The following NAALADL2 variants were observed in gnomAD, a reference collection of about 807,000 sequenced individuals.
The protein encoded by NAALADL2 is inactive N-acetylated-alpha-linked acidic dipeptidase-like protein 2.
Under a neutral mutation model 87.2 loss-of-function variants are expected in NAALADL2, and 76 were observed. That is an observed-to-expected ratio of 0.87 (90% confidence interval 0.72 to 1.05). The LOEUF is 1.05. Among genes scored for constraint, NAALADL2 ranks in the 50% least tolerant of loss-of-function variants. NAALADL2 has a pLI of 0.00. For missense variants in NAALADL2, 1,089 were observed against 945.8 expected, an observed-to-expected ratio of 1.15 and a Z score of -1.99; for synonymous variants, 354 against 331.0, an observed-to-expected ratio of 1.07 and a Z score of -0.75.
intron 3 of NAALADL2, among the ~76,000 whole-genome samples, chr3:174,789,671 A>G (rs1054759946): frequency 6.6e-6 from 1 of 152,196 alleles, no homozygotes; most frequent in Non-Finnish European, 1.5e-5. Context: ...TGCAAATGGT[A>G]AATAAGAGGA....
In NAALADL2 at chr3:175,627,259, G is replaced by C. The variant is rs1320901763; in HGVS notation, c.1801-32G>C. ...ACTTGAAAAACAAAATCGATAAAGA[G>C]TTTTAAATGTTTCTTTTTTGATTTG... is the stretch of plus-strand genomic sequence containing the variant. On this transcript the variant is annotated intron_variant, in intron 10 of 13. Transcript: ENST00000454872. The C allele has an allele frequency of 3.4e-6, 5 of 1,486,172 alleles. No individual in the cohort carries two copies. In the Admixed American group the frequency reaches 8.2e-5, roughly 25 times the overall value. 92.1% of individuals were successfully genotyped at this position (1,486,172 alleles called of 1,614,324 possible). A position where few individuals can be genotyped will look rare whatever the true frequency, so the allele number is the denominator to read the frequency against.
intron 2 of NAALADL2, among the ~76,000 whole-genome samples, chr3:175,206,351 G>A (rs1237226873): frequency 7.1e-6 from 1 of 141,494 alleles, no homozygotes; most frequent in Non-Finnish European, 1.5e-5. Context: ...TAATGTATAT[G>A]TTATATATAC....
chr3:175,278,927 C>A (rs1753929120), intron 4 of NAALADL2, among the ~76,000 whole-genome samples: 1 of 152,270 alleles, frequency 6.6e-6, no homozygotes, highest in African/African-American at 2.4e-5. Context: ...TCTTACAATG[C>A]AACTTCCCTA....
chr3:175,427,368 T>A (rs529525518), intron 5 of NAALADL2, among the ~76,000 whole-genome samples: 1 of 152,176 alleles, frequency 6.6e-6, no homozygotes, highest in Non-Finnish European at 1.5e-5. Flanking sequence ...CTTATGGAAA[T>A]AGAACATGAA....
chr3:175,625,967 A>G (rs768239957), intron 10 of NAALADL2, among the ~76,000 whole-genome samples: 3 of 152,012 alleles, frequency 2.0e-5, no homozygotes, highest in Non-Finnish European at 4.4e-5. Context: ...AATTGCTACT[A>G]ACCCTATGTG....
At chr3:175,421,586 G>A (rs1318988872) in intron 5 of NAALADL2, among the ~76,000 whole-genome samples, 1 of 152,026 alleles carries the variant, frequency 6.6e-6, no homozygotes, top group East Asian at 1.9e-4. Context: ...TGTTACAGAG[G>A]AGTACACAGA....
chr3:175,489,223 TA>T (rs561261040), intron 9 of NAALADL2, among the ~76,000 whole-genome samples: 13 of 152,096 alleles, frequency 8.5e-5, no homozygotes, highest in Admixed American at 1.3e-4. Context: ...ACTATTATAT[TA>T]AAAAAAATTC....
chr3:174,726,199 T>G (rs1256888190), intron 2 of NAALADL2, among the ~76,000 whole-genome samples: 1 of 152,062 alleles, frequency 6.6e-6, no homozygotes, highest in Non-Finnish European at 1.5e-5. Flanking sequence ...ATACATCTAT[T>G]AAAAAATCCT....
chr3:175,148,057 C>CA (rs1451704189), intron 2 of NAALADL2, among the ~76,000 whole-genome samples: 2 of 146,088 alleles, frequency 1.4e-5, no homozygotes, highest in Non-Finnish European at 3.0e-5. Context: ...GCAACAAGAG[C>CA]AAAACTCTGT....
At chr3:175,268,396 A>G (rs4894706) in intron 4 of NAALADL2, among the ~76,000 whole-genome samples, 42,952 of 152,044 alleles carry the variant, frequency 0.28, 7,105 homozygotes, top group South Asian at 0.52. Context: ...CAGGACTGGA[A>G]GTTGCTCTAG....
chr3:174,587,756 A>G (rs1288686709), intron 2 of NAALADL2, among the ~76,000 whole-genome samples: 1 of 152,168 alleles, frequency 6.6e-6, no homozygotes, highest in African/African-American at 2.4e-5. Context: ...CTGTTAGACA[A>G]ATGGGCTTCC....
At chr3:175,605,358 T>A (rs1461844975) in intron 10 of NAALADL2, among the ~76,000 whole-genome samples, 1 of 111,228 alleles carries the variant, frequency 9.0e-6, no homozygotes, top group African/African-American at 3.1e-5. Context: ...TAGATATGGA[T>A]GGGAAAGATT....
intron 10 of NAALADL2, among the ~76,000 whole-genome samples, chr3:175,626,581 C>T (rs1196308516): frequency 1.3e-5 from 2 of 151,802 alleles, no homozygotes; most frequent in Non-Finnish European, 2.9e-5. Context: ...CGAAATGCCC[C>T]CTCTAAGGCA....
intron 5 of NAALADL2, among the ~76,000 whole-genome samples, chr3:175,384,294 AGGCTTTTGCTGG>A (rs1768109594): frequency 2.0e-5 from 3 of 152,138 alleles, no homozygotes; most frequent in Admixed American, 1.3e-4. Context: ...AGTTGGCAAA[AGGCTTTTGCTGG>A]TATCCTAAAC....
At chr3:175,668,083 C>CG (rs566585670) in intron 11 of NAALADL2, among the ~76,000 whole-genome samples, 15 of 152,060 alleles carry the variant, frequency 9.9e-5, no homozygotes, top group Admixed American at 9.8e-4. Context: ...TTACTGTAGC[C>CG]CCTTCTTCAG....
At chr3:175,099,252 CT>C in intron 2 of NAALADL2, among the ~76,000 whole-genome samples, 1 of 152,062 alleles carries the variant, frequency 6.6e-6, no homozygotes, top group Admixed American at 6.6e-5. Flanking sequence ...AGAATGGAAG[CT>C]GCATGATGGT....
At chr3:175,698,504 A>AT (rs1278192087) in intron 11 of NAALADL2, among the ~76,000 whole-genome samples, 943 of 86,988 alleles carry the variant, frequency 0.011, 236 homozygotes, top group African/African-American at 0.056. Context: ...TATATATATA[A>AT]AATCTCCAAG....
chr3:175,718,240 A>G (rs1192372569), intron 11 of NAALADL2: 1 of 1,155,522 alleles, frequency 8.7e-7, no homozygotes. Context: ...TTGCTGTAAC[A>G]CTGTCCTTCG....
intron 1 of NAALADL2, among the ~76,000 whole-genome samples, chr3:174,485,419 T>C (rs1333266207): frequency 1.5e-4 from 2 of 13,774 alleles, no homozygotes; most frequent in Non-Finnish European, 2.0e-4. Flanking sequence ...GTACCCATTA[T>C]TTTTTTTTTC....
Sources: gnomAD v4.1 joint callset for allele counts (sites outside exome capture counted in the v4.1 genomes callset) on GRCh38, gnomAD v4.1.1 for gene constraint, MANE v1.5 for transcripts, NCBI Gene and HGNC (gene_info 2026-07-23, HGNC 2026-07-21) for gene names.